FAM217B: variants seen among roughly 807,000 people sequenced by gnomAD.
FAM217B encodes the protein protein FAM217B.
For missense variants in FAM217B, 463 were observed against 456.9 expected (o/e 1.01, Z -0.12); for synonymous variants, 163 against 173.0 (o/e 0.94, Z 0.45).
At chr20:59,939,687 C>T (rs769584300), upstream of FAM217B, 30 of 1,429,032 alleles carry the variant, frequency 2.1e-5, no homozygotes, top group East Asian at 7.4e-4. Flanking sequence ...GGCCTTCTGG[C>T]GGCGCTCGGG....
rs1240197169 is a variant in FAM217B, at chr20:59,946,047, C to T, written c.*952C>T. ...TACAAAGTTACTGATTTGGGTTCCA[C>T]ACCCTGTGGTCCTTAGTCAAAAATA... On this transcript the variant is annotated 3_prime_UTR_variant, in exon 4 of 4. Coordinates refer to ENST00000360816, the MANE Select transcript of FAM217B (RefSeq NM_022106.3). 2.4e-5 allele frequency: 4 copies of T among 167,084 alleles called. No homozygotes were observed. The highest frequency in any genetic ancestry group is 9.7e-5 in the African/African-American group (4 of 41,450). The allele number at this position is 167,084 out of a possible 1,614,324, so 10.4% of individuals were successfully genotyped here. A position where few individuals can be genotyped will look rare whatever the true frequency, so the allele number is the denominator to read the frequency against.
rs1057004620 is a variant in FAM217B, at chr20:59,947,824, T to C, written c.*2729T>C. On this transcript the variant is annotated 3_prime_UTR_variant, in exon 4 of 4. Transcript: ENST00000360816. ...TGCCTATCTAATACATCTTAATGCA[T>C]TAAATGCTGCAGATAAGAATCTTGC... The C allele has an allele frequency of 1.2e-5, 2 of 166,982 alleles. No homozygotes were observed. The highest frequency in any genetic ancestry group is 2.9e-5 in the Non-Finnish European group (2 of 68,110). 10.3% of individuals were successfully genotyped at this position (166,982 alleles called of 1,614,324 possible).
intron 1 of FAM217B, among the ~76,000 whole-genome samples, chr20:59,934,433 A>C (rs867287364): frequency 6.6e-6 from 1 of 152,112 alleles, no homozygotes; most frequent in South Asian, 2.1e-4. Flanking sequence ...TTCGGCGCTC[A>C]GTCTTCTGCG....
At chr20:59,934,343 T>TA (rs762789206) in intron 1 of FAM217B, among the ~76,000 whole-genome samples, 2 of 152,204 alleles carry the variant, frequency 1.3e-5, no homozygotes, top group Non-Finnish European at 1.5e-5. Flanking sequence ...GGTGCTTGTG[T>TA]AAAAAATCGC....
chr20:59,939,595 G>C, upstream of FAM217B: 1 of 1,601,980 alleles, frequency 6.2e-7, no homozygotes, highest in Non-Finnish European at 8.5e-7. Context: ...ACCTGTGCCA[G>C]CTCCAAGCCC....
Position 59,943,974 on chromosome 20 carries a change from C to T in FAM217B, c.31C>T (p.Gln11Ter). 6 of 1,608,378 alleles carry T rather than the reference C, an allele frequency of 3.7e-6. No individual in the cohort carries two copies. Among genetic ancestry groups the T allele is most frequent in the Non-Finnish European group, 4.2e-6 (5 of 1,178,218 alleles). Residue 11 changes from glutamine to a stop codon, truncating the protein, a stop_gained, in exon 4 of 4, where the codon CAA (glutamine) becomes TAA (stop). Transcript: ENST00000360816. LOFTEE classifies it low-confidence loss of function (END_TRUNC). Reference protein sequence around the residue: MNAGPSWNKVQHSKNSSGKRQ... With the variant: MNAGPSWNKV ...TGCTGGCCCATCTTGGAATAAAGTG[C>T]AACATTCAAAGAATTCTTCAGGAAA...
chr20:59,944,871 G>C lies in FAM217B; in HGVS notation c.928G>C (p.Gly310Arg), dbSNP rs113464598. 3.7e-6 allele frequency: 6 copies of C among 1,614,156 alleles called. No homozygotes were observed. The highest frequency in any genetic ancestry group is 5.1e-6 in the Non-Finnish European group (6 of 1,180,036). The change falls in exon 4 of 4, where the codon GGC (glycine) becomes CGC (arginine). Residue 310 changes from glycine (G) to arginine (R), a missense_variant. Transcript: ENST00000360816. ...GAAGCTGCAGCGCTGGGATCTGTCC[G>C]GCAGTGGAAGCAGCTCTAAGGTGGA... is the stretch of plus-strand genomic sequence containing the variant. ...STKLQRWDLS[G>R]SGSSSKVETS...
At chr20:59,939,299 C>T (rs1317512420), upstream of FAM217B, 2 of 1,612,270 alleles carry the variant, frequency 1.2e-6, no homozygotes, top group Admixed American at 1.7e-5. Context: ...TGCGCCAGCC[C>T]GAGAAAGTGT....
At chr20:59,939,114 C>G, upstream of FAM217B, 1 of 1,603,318 alleles carries the variant, frequency 6.2e-7, no homozygotes, top group Non-Finnish European at 8.5e-7. Flanking sequence ...GCTGTAGTCT[C>G]GGTGGTCGTT....
chr20:59,939,622 G>A (rs7274519), upstream of FAM217B: 512 of 1,586,426 alleles, frequency 3.2e-4, 1 homozygote, highest in African/African-American at 6.3e-3. Context: ...TCGGCGAAGC[G>A]CACGCGGAGC....
upstream of FAM217B, chr20:59,939,073 G>GCATGTGCAGCGCGTGGTTGCGA: frequency 6.3e-7 from 1 of 1,576,484 alleles, no homozygotes; most frequent in Non-Finnish European, 8.6e-7. Context: ...TCCCCGCGAG[G>GCATGTGCAGCGCGTGGTTGCGA]CATGTGCAGC....
At chr20:59,935,669 G>C (rs2060858457), upstream of FAM217B, among the ~76,000 whole-genome samples, 1 of 152,208 alleles carries the variant, frequency 6.6e-6, no homozygotes, top group Non-Finnish European at 1.5e-5. Flanking sequence ...TACGCCGGAG[G>C]CTGAGGTAGG....
At position 59,945,472 on chromosome 20, in the gene FAM217B, A is replaced by T. The variant is rs1369452802; in HGVS notation, c.*377A>T. ...TCCCCATTTTCACATGCACGTAAGT[A>T]TATGAAATAGTGCAGACTGTTTCAA... On this transcript the variant is annotated 3_prime_UTR_variant, in exon 4 of 4. Coordinates refer to ENST00000360816, the MANE Select transcript of FAM217B (RefSeq NM_022106.3). The T allele has an allele frequency of 5.1e-6, 1 of 194,270 alleles. No individual in the cohort carries two copies. The highest frequency in any genetic ancestry group is 1.2e-4 in the South Asian group (1 of 8,648). 12.0% of individuals were successfully genotyped at this position (194,270 alleles called of 1,614,324 possible). A position where few individuals can be genotyped will look rare whatever the true frequency, so the allele number is the denominator to read the frequency against.
At chr20:59,934,122 G>GACC (rs2060835260) in intron 1 of FAM217B, among the ~76,000 whole-genome samples, 1 of 152,144 alleles carries the variant, frequency 6.6e-6, no homozygotes, top group Non-Finnish European at 1.5e-5. Context: ...TGGACCGGGG[G>GACC]ACCAGGGCGC....
At chr20:59,936,545 A>G (rs1569003910), upstream of FAM217B, 3 of 152,378 alleles carry the variant, frequency 2.0e-5, no homozygotes, top group South Asian at 2.1e-4. Context: ...AGAGAAGTAC[A>G]TTAATGATCA....
rs1394294015 is a variant in FAM217B, at chr20:59,945,666, CA to C, written c.*572del. The C allele has an allele frequency of 6.0e-6, 1 of 167,030 alleles. No individual in the cohort carries two copies. The highest frequency in any genetic ancestry group is 1.5e-5 in the Non-Finnish European group (1 of 68,192). The allele number at this position is 167,030 out of a possible 1,614,324, so 10.3% of individuals were successfully genotyped here. A position where few individuals can be genotyped will look rare whatever the true frequency, so the allele number is the denominator to read the frequency against. ...GTTTGTATTTTGAGTAGTCATTTCTCACTAAGCTGGTTGCTTTCTAGAGAGA... is the reference window on the plus strand; with the variant it reads ...GTTTGTATTTTGAGTAGTCATTTCTCCTAAGCTGGTTGCTTTCTAGAGAGA... On this transcript the variant is annotated 3_prime_UTR_variant, in exon 4 of 4. Coordinates refer to ENST00000360816, the MANE Select transcript of FAM217B (RefSeq NM_022106.3).
At chr20:59,935,401 C>T (rs2060855619), upstream of FAM217B, among the ~76,000 whole-genome samples, 1 of 152,056 alleles carries the variant, frequency 6.6e-6, no homozygotes, top group South Asian at 2.1e-4. Flanking sequence ...AAAAGGATAT[C>T]ATTAATTTTA....
Position 59,946,714 on chromosome 20 carries a change from T to C in FAM217B, c.*1619T>C, listed in dbSNP as rs972737806. 1 of 167,122 alleles carries C rather than the reference T, an allele frequency of 6.0e-6. No homozygotes were observed. Among genetic ancestry groups the C allele is most frequent in the Non-Finnish European group, 1.5e-5 (1 of 68,128 alleles). 10.4% of individuals were successfully genotyped at this position (167,122 alleles called of 1,614,324 possible). A position where few individuals can be genotyped will look rare whatever the true frequency, so the allele number is the denominator to read the frequency against. ...TCCTACTGGAGAAAGCATACTTTTA[T>C]GCTAAGATCTTACTTTAAGCTTTTT... On this transcript the variant is annotated 3_prime_UTR_variant, in exon 4 of 4. Coordinates refer to ENST00000360816, the MANE Select transcript of FAM217B (RefSeq NM_022106.3).
At position 59,944,371 on chromosome 20, in the gene FAM217B, C is replaced by G; in HGVS notation, c.428C>G (p.Pro143Arg). The change falls in exon 4 of 4, where the codon CCT (proline) becomes CGT (arginine). Residue 143 changes from proline (P) to arginine (R), a missense_variant. Pro to Arg is a moderately radical substitution (Grantham distance 103). Transcript: ENST00000360816. Reference protein sequence around the residue: ...QGHTKPEYYYPNFLPSPFSSW... With the variant: ...QGHTKPEYYYRNFLPSPFSSW... Reference sequence around the variant, plus strand: ...CATACAAAACCTGAATACTATTATCCTAATTTCCTTCCATCCCCTTTCAGC... The same window carrying G: ...CATACAAAACCTGAATACTATTATCGTAATTTCCTTCCATCCCCTTTCAGC... The G allele has an allele frequency of 6.2e-7, 1 of 1,614,020 alleles. No homozygotes were observed.
Sources: allele counts gnomAD v4.1 joint callset (sites outside exome capture counted in the v4.1 genomes callset), GRCh38; gene constraint gnomAD v4.1.1; transcripts MANE v1.5; gene names NCBI Gene and HGNC (gene_info 2026-07-23, HGNC 2026-07-21).